DCAF1: variants seen among roughly 807,000 people sequenced by gnomAD.
DCAF1 encodes DDB1- and CUL4-associated factor 1.
A neutral mutation model predicts 128.0 loss-of-function variants in DCAF1; 15 were observed. The ratio of observed to expected loss-of-function variants is 0.12; its 90% CI spans 0.08 to 0.18. DCAF1 has a LOEUF of 0.18. Among genes scored for constraint, DCAF1 ranks in the 10% least tolerant of loss-of-function variants. The probability of loss-of-function intolerance (pLI) is 1.00; values close to 1 mark genes in which losing one functional copy is unlikely to be tolerated. For missense variants in DCAF1, 988 were observed against 1,649.5 expected (o/e 0.60, Z 6.95); for synonymous variants, 610 against 603.0 (o/e 1.01, Z -0.17).
chr3:51,466,520 T>C (rs971410700), intron 5 of DCAF1, among the ~76,000 whole-genome samples: 5 of 152,200 alleles, frequency 3.3e-5, no homozygotes, highest in African/African-American at 4.8e-5. Context: ...TCATGCTGTA[T>C]GCATCACTCT....
chr3:51,449,231 C>T (rs565327441), intron 6 of DCAF1, among the ~76,000 whole-genome samples: 1 of 152,048 alleles, frequency 6.6e-6, no homozygotes, highest in Admixed American at 6.6e-5. Flanking sequence ...TTTTGAGATG[C>T]AGTTTTGGTC....
At chr3:51,502,448 TTA>T (rs1353329017), upstream of DCAF1, among the ~76,000 whole-genome samples, 4 of 152,020 alleles carry the variant, frequency 2.6e-5, no homozygotes, top group African/African-American at 2.4e-5. Context: ...TCCCAGCTAT[TTA>T]TGAGGCTGAG....
chr3:51,425,699 A>G (rs574369498), intron 13 of DCAF1, among the ~76,000 whole-genome samples: 2 of 149,904 alleles, frequency 1.3e-5, no homozygotes, highest in Non-Finnish European at 3.0e-5. Flanking sequence ...AGTAGCTGGG[A>G]CTACAGACAT....
intron 21 of DCAF1, 48 bp from the exon 22 acceptor site, chr3:51,413,114 C>T: frequency 1.2e-6 from 2 of 1,609,132 alleles, no homozygotes; most frequent in Non-Finnish European, 1.7e-6. Flanking sequence ...TTGCTGTGAC[C>T]CTAAAACCTG....
chr3:51,441,407 G>A lies in DCAF1; in HGVS notation c.1004C>T (p.Thr335Ile), dbSNP rs1192544280. 2 of 1,613,272 alleles carry A rather than the reference G, an allele frequency of 1.2e-6. No individual in the cohort carries two copies. The highest frequency in any genetic ancestry group is 1.7e-6 in the Non-Finnish European group (2 of 1,179,646). Residue 335 changes from threonine to isoleucine, a missense_variant, in exon 8 of 25, where the codon ACC becomes ATC. Around this residue, in one of 11 missense-constraint regions of DCAF1, gnomAD observed 19 missense variants for 61.4 expected, o/e 0.31. Coordinates refer to ENST00000684031, the MANE Select transcript of DCAF1 (RefSeq NM_001387579.1). ...IEQRLILQYL[T>I]PLGEYQELLP... Reference sequence around the variant, plus strand: ...TACCTCCTGATATTCTCCTAGAGGGGTCAAATATTGGAGAATGAGTCGCTG... The same window carrying A: ...TACCTCCTGATATTCTCCTAGAGGGATCAAATATTGGAGAATGAGTCGCTG...
chr3:51,444,911 G>A lies in DCAF1; in HGVS notation c.376-1008C>T, dbSNP rs565145550. 1.6e-4 allele frequency among the ~76,000 whole-genome samples: 24 copies of A among 151,362 alleles called. No homozygotes were observed. The South Asian group carries it at 3.5e-3, about 22-fold the overall frequency. The stretch of plus-strand genomic sequence containing the variant: ...AGGATGGTCTCGATCTCCTGACCTC[G>A]TGATCCGCCCCCCTTGGCCTCCCAA... On this transcript the variant is annotated intron_variant, in intron 6 of 24. Coordinates refer to ENST00000684031, the MANE Select transcript of DCAF1 (RefSeq NM_001387579.1).
chr3:51,470,020 C>CA (rs1272220677), intron 4 of DCAF1, among the ~76,000 whole-genome samples: 7 of 149,860 alleles, frequency 4.7e-5, no homozygotes, highest in Non-Finnish European at 7.4e-5. Context: ...GATGCCATCT[C>CA]AAAAAAAAAT....
chr3:51,454,194 T>C (rs1380198468), intron 6 of DCAF1, among the ~76,000 whole-genome samples: 5 of 151,976 alleles, frequency 3.3e-5, no homozygotes, highest in African/African-American at 1.2e-4. Flanking sequence ...AGGCATGAGC[T>C]ACCGTGCCCA....
intron 3 of DCAF1, 23 bp downstream of exon 3, chr3:51,483,696 G>A: frequency 6.5e-7 from 1 of 1,541,790 alleles, no homozygotes. Context: ...TATTAAACTA[G>A]GTTTTAAAAA....
chr3:51,457,618 C>T (rs1228688866), intron 6 of DCAF1, among the ~76,000 whole-genome samples: 2 of 152,116 alleles, frequency 1.3e-5, no homozygotes, highest in Admixed American at 6.6e-5. Context: ...TTGTCAGATT[C>T]ACCAAAGTTG....
At chr3:51,460,483 G>C (rs1703421554) in intron 6 of DCAF1, among the ~76,000 whole-genome samples, 1 of 152,200 alleles carries the variant, frequency 6.6e-6, no homozygotes, top group Middle Eastern at 3.4e-3. Flanking sequence ...TGGCCATACT[G>C]CCCAAGGTAA....
intron 5 of DCAF1, among the ~76,000 whole-genome samples, chr3:51,463,639 C>T (rs1703835515): frequency 6.6e-6 from 1 of 152,042 alleles, no homozygotes; most frequent in East Asian, 1.9e-4. Context: ...AAAAATTAGC[C>T]AAGCATGGTG....
intron 13 of DCAF1, among the ~76,000 whole-genome samples, chr3:51,423,968 CA>C (rs1293702192): frequency 6.6e-6 from 1 of 152,012 alleles, no homozygotes; most frequent in Admixed American, 6.6e-5. Flanking sequence ...TCATAAACTA[CA>C]GCCATTGACA....
intron 2 of DCAF1, among the ~76,000 whole-genome samples, chr3:51,493,996 C>CA (rs782802686): frequency 0.012 from 854 of 73,968 alleles, 9 homozygotes; most frequent in African/African-American, 0.031. Flanking sequence ...GATTCCGTCT[C>CA]AAAAAAAAAA....
intron 24 of DCAF1, among the ~76,000 whole-genome samples, chr3:51,400,296 G>A (rs1553624459): frequency 6.6e-6 from 1 of 152,276 alleles, no homozygotes; most frequent in East Asian, 1.9e-4. Flanking sequence ...CTCCTCCCCA[G>A]AGCCAAGTCC....
intron 2 of DCAF1, among the ~76,000 whole-genome samples, chr3:51,490,931 AAAC>A (rs560726387): frequency 7.9e-5 from 12 of 152,016 alleles, no homozygotes; most frequent in African/African-American, 2.7e-4. Flanking sequence ...CTGTCTCAAA[AAAC>A]AACAACAACA....
At chr3:51,414,543 T>A in intron 19 of DCAF1, 81 bp downstream of exon 19, 7 of 1,534,708 alleles carry the variant, frequency 4.6e-6, no homozygotes, top group Non-Finnish European at 6.2e-6. Context: ...TAACCAGGTA[T>A]TGGTATAAAG....
chr3:51,419,237 T>A (rs1219375848), intron 15 of DCAF1, among the ~76,000 whole-genome samples: 1 of 151,998 alleles, frequency 6.6e-6, no homozygotes, highest in Non-Finnish European at 1.5e-5. Flanking sequence ...GGTGCCTGCC[T>A]GTAATCCCAG....
intron 17 of DCAF1, 26 bp from the exon 18 acceptor site, chr3:51,416,897 A>G: frequency 6.3e-7 from 1 of 1,590,430 alleles, no homozygotes; most frequent in Non-Finnish European, 8.6e-7. Context: ...AGGAGCACTG[A>G]AGTGACAGAT....
Sources: allele counts gnomAD v4.1 joint callset (sites outside exome capture counted in the v4.1 genomes callset), GRCh38; gene constraint gnomAD v4.1.1; regional missense constraint gnomAD v4.1.1; transcripts MANE v1.5; gene names NCBI Gene and HGNC (gene_info 2026-07-23, HGNC 2026-07-21).